SEL1L3: variants seen among roughly 807,000 people sequenced by gnomAD.
SEL1L3 encodes SEL1L family member 3, also known as protein sel-1 homolog 3.
SEL1L3 carries 76 observed loss-of-function variants against 142.8 expected under a neutral mutation model. The ratio of observed to expected loss-of-function variants is 0.53; its 90% CI spans 0.44 to 0.64. SEL1L3 has a LOEUF of 0.64. SEL1L3 is among the 30% of genes least tolerant of loss of function. The pLI, the probability that SEL1L3 is intolerant of heterozygous loss-of-function variation, is 0.00. For missense variants in SEL1L3, 1,262 were observed against 1,381.7 expected (o/e 0.91, Z 1.37); for synonymous variants, 504 against 519.6 (o/e 0.97, Z 0.41).
At chr4:25,766,486 G>A (rs1486034815) in intron 19 of SEL1L3, among the ~76,000 whole-genome samples, 1 of 151,112 alleles carries the variant, frequency 6.6e-6, no homozygotes, top group East Asian at 1.9e-4. Context: ...TGTCCAATAA[G>A]GAAAACAGAA....
chr4:25,767,720 A>T lies in SEL1L3; in HGVS notation c.2760+20T>A. 6.5e-7 allele frequency: 1 copy of T among 1,531,434 alleles called. No homozygotes were observed. Among genetic ancestry groups the T allele is most frequent in the East Asian group, 2.3e-5 (1 of 42,890 alleles). 94.9% of individuals were successfully genotyped at this position (1,531,434 alleles called of 1,614,324 possible). ...CCTTAACCTCAGAGCTTCTACTCTG[A>T]GAAGAATACATTTACTTACTGGCCT... On this transcript the variant is annotated intron_variant, in intron 18 of 23. Coordinates refer to ENST00000399878, the MANE Select transcript of SEL1L3 (RefSeq NM_015187.5).
At chr4:25,724,766 A>AAAAAAAAAAAAC in the SEL1L3 span, among the ~76,000 whole-genome samples, 1 of 78,768 alleles carries the variant, frequency 1.3e-5, no homozygotes, top group Non-Finnish European at 3.3e-5. Context: ...AAAAAAAAAA[A>AAAAAAAAAAAAC]AAAAAGGAAA....
At chr4:25,751,953 A>T (rs1378646646) in intron 23 of SEL1L3, among the ~76,000 whole-genome samples, 1 of 151,952 alleles carries the variant, frequency 6.6e-6, no homozygotes, top group East Asian at 1.9e-4. Context: ...TACTAAAAAT[A>T]CAAAATTTAG....
At chr4:25,805,795 T>C (rs1713518799) in intron 9 of SEL1L3, among the ~76,000 whole-genome samples, 1 of 152,240 alleles carries the variant, frequency 6.6e-6, no homozygotes, top group Non-Finnish European at 1.5e-5. Context: ...AAAGGCCATA[T>C]AGGATTGCAA....
At chr4:25,830,022 G>T (rs1715334504) in intron 6 of SEL1L3, 76 bp downstream of exon 6, 1 of 885,800 alleles carries the variant, frequency 1.1e-6, no homozygotes, top group South Asian at 1.4e-5. Flanking sequence ...ATAACATTAG[G>T]GCTGAGGGCT....
intron 17 of SEL1L3, among the ~76,000 whole-genome samples, chr4:25,775,813 T>C (rs1424813440): frequency 6.6e-6 from 1 of 152,192 alleles, no homozygotes; most frequent in Non-Finnish European, 1.5e-5. Context: ...CCCAGGCTCC[T>C]AGTCATGGCA....
chr4:25,733,212 G>A, the SEL1L3 span, among the ~76,000 whole-genome samples: 2 of 151,944 alleles, frequency 1.3e-5, no homozygotes, highest in Non-Finnish European at 2.9e-5. Context: ...ATCAATTTGG[G>A]GAGAATTTAC....
At chr4:25,780,144 C>T (rs1719897873) in intron 15 of SEL1L3, among the ~76,000 whole-genome samples, 1 of 152,088 alleles carries the variant, frequency 6.6e-6, no homozygotes, top group South Asian at 2.1e-4. Flanking sequence ...TTGGAGTCAC[C>T]CCTGACTCTT....
chr4:25,840,178 A>G (rs1716078697), intron 2 of SEL1L3, among the ~76,000 whole-genome samples: 1 of 152,214 alleles, frequency 6.6e-6, no homozygotes, highest in African/African-American at 2.4e-5. Context: ...TGAGGATTAA[A>G]TGAGACAATG....
At chr4:25,797,009 G>T (rs1270885834) in intron 11 of SEL1L3, among the ~76,000 whole-genome samples, 1 of 150,974 alleles carries the variant, frequency 6.6e-6, no homozygotes, top group East Asian at 1.9e-4. Flanking sequence ...GAGAGGAAAA[G>T]GAGAGAGGAA....
chr4:25,720,730 T>C, the SEL1L3 span: 3 of 152,176 alleles, frequency 2.0e-5, no homozygotes, highest in Non-Finnish European at 4.4e-5. Context: ...CCATCAGCGA[T>C]AGTAAAGGGG....
chr4:25,815,701 G>A (rs934078200), intron 9 of SEL1L3, among the ~76,000 whole-genome samples: 2 of 151,916 alleles, frequency 1.3e-5, no homozygotes, highest in African/African-American at 2.4e-5. Context: ...ATGGGGCTTC[G>A]TCACCTCCAG....
chr4:25,796,187 C>T (rs1440058146), intron 11 of SEL1L3, among the ~76,000 whole-genome samples: 1 of 152,188 alleles, frequency 6.6e-6, no homozygotes, highest in East Asian at 1.9e-4. Context: ...GACCAAGCCC[C>T]AGAGAAGGCT....
chr4:25,862,395 A>T (rs2109334833), intron 1 of SEL1L3, among the ~76,000 whole-genome samples: 1 of 152,062 alleles, frequency 6.6e-6, no homozygotes, highest in Admixed American at 6.5e-5. Context: ...GAGGACAAGA[A>T]GGGGTCTCGA....
chr4:25,781,962 T>C (rs185698049), intron 15 of SEL1L3, among the ~76,000 whole-genome samples: 56 of 152,350 alleles, frequency 3.7e-4, no homozygotes, highest in African/African-American at 6.5e-4. Flanking sequence ...CTCTTCCCTC[T>C]AGCTCAAGCC....
intron 14 of SEL1L3, among the ~76,000 whole-genome samples, chr4:25,783,546 A>G (rs1711570210): frequency 6.6e-6 from 1 of 152,156 alleles, no homozygotes; most frequent in Non-Finnish European, 1.5e-5. Flanking sequence ...CTGCAAATCT[A>G]TTTATTTGGA....
At chr4:25,831,899 G>A (rs1381953160) in intron 5 of SEL1L3, among the ~76,000 whole-genome samples, 2 of 152,096 alleles carry the variant, frequency 1.3e-5, no homozygotes, top group African/African-American at 2.4e-5. Flanking sequence ...CAAGCAACTC[G>A]AGCATAGTGC....
chr4:25,814,996 G>A (rs7676483), intron 9 of SEL1L3, among the ~76,000 whole-genome samples: 15,646 of 152,108 alleles, frequency 0.1, 1,865 homozygotes, highest in African/African-American at 0.29. Flanking sequence ...AAGAGGTGCT[G>A]AAGGCAAATG....
rs79967547 is a variant in SEL1L3 at position 25,757,334 on chromosome 4, C to T, written c.3259+200G>A. Among the ~76,000 whole-genome samples, 103 of 151,552 alleles carry T rather than the reference C, an allele frequency of 6.8e-4. 2 individuals are homozygous for T. In the East Asian group the frequency reaches 0.014, roughly 21 times the overall value. On this transcript the variant is annotated intron_variant, in intron 23 of 23. Transcript: ENST00000399878. ...AAAAATACAATAGTAACTTTGTGGC[C>T]TCCCACCGGCCAGGAATTTCATACA...
Sources: allele counts gnomAD v4.1 joint callset (sites outside exome capture counted in the v4.1 genomes callset), GRCh38; gene constraint gnomAD v4.1.1; transcripts MANE v1.5; gene names NCBI Gene and HGNC (gene_info 2026-07-23, HGNC 2026-07-21).